DLGAP2: variants seen among roughly 807,000 people sequenced by gnomAD.
DLGAP2 encodes DLG associated protein 2, also known as disks large-associated protein 2.
A neutral mutation model predicts 100.3 loss-of-function variants in DLGAP2; 26 were observed. The ratio of observed to expected loss-of-function variants is 0.26; its 90% CI spans 0.19 to 0.36. The LOEUF is 0.36. Ranked by LOEUF, DLGAP2 falls within the 10% of genes least tolerant of loss-of-function variation. The pLI is 1.00. For missense variants in DLGAP2, 1,858 were observed against 1,453.2 expected (o/e 1.28, Z -4.53); for synonymous variants, 886 against 630.1 (o/e 1.41, Z -6.08).
chr8:1,262,628 A>G (rs1019559973), intron 3 of DLGAP2: 6 of 152,186 alleles, frequency 3.9e-5, no homozygotes, highest in East Asian at 3.8e-4. Flanking sequence ...GACGGTCTCA[A>G]TTTATATCAT....
At chr8:975,015 G>T (rs891038415) in intron 2 of DLGAP2, among the ~76,000 whole-genome samples, 5 of 152,136 alleles carry the variant, frequency 3.3e-5, no homozygotes, top group African/African-American at 1.2e-4. Context: ...GAAGAAAAAA[G>T]GGAGAGAAGA....
chr8:1,599,199 A>G (rs1406630341), intron 6 of DLGAP2, among the ~76,000 whole-genome samples: 2 of 152,148 alleles, frequency 1.3e-5, no homozygotes, highest in African/African-American at 4.8e-5. Context: ...CTTAATCCTG[A>G]GTTCTAATTT....
intron 1 of DLGAP2, among the ~76,000 whole-genome samples, chr8:885,830 A>G (rs1420427884): frequency 2.6e-5 from 4 of 152,068 alleles, no homozygotes; most frequent in East Asian, 3.8e-4. Context: ...TTAACAATCA[A>G]TGTTCATCAG....
intron 6 of DLGAP2, among the ~76,000 whole-genome samples, chr8:1,586,558 C>T (rs147629110): frequency 1.4e-4 from 22 of 152,314 alleles, no homozygotes; most frequent in African/African-American, 5.1e-4. Flanking sequence ...TGGTTAGCAA[C>T]CTCGATTCCA....
intron 1 of DLGAP2, among the ~76,000 whole-genome samples, chr8:832,727 T>A (rs1796804985): frequency 6.6e-6 from 1 of 152,228 alleles, no homozygotes; most frequent in African/African-American, 2.4e-5. Context: ...TGAGCACAAC[T>A]GTGTTTGTGT....
chr8:1,040,568 G>A (rs1296038542), intron 2 of DLGAP2, among the ~76,000 whole-genome samples: 22 of 128,802 alleles, frequency 1.7e-4, no homozygotes, highest in Non-Finnish European at 2.9e-4. Context: ...GCGTGTGGTC[G>A]GCTCGGTTTC....
At chr8:808,464 A>C (rs565625077) in intron 1 of DLGAP2, among the ~76,000 whole-genome samples, 23 of 152,270 alleles carry the variant, frequency 1.5e-4, no homozygotes, top group African/African-American at 5.1e-4. Context: ...CTGGAAGGAC[A>C]TTCCACCCCA....
At chr8:968,384 A>G (rs1394563745) in intron 2 of DLGAP2, among the ~76,000 whole-genome samples, 3 of 152,204 alleles carry the variant, frequency 2.0e-5, no homozygotes, top group Non-Finnish European at 4.4e-5. Flanking sequence ...AGCTGAAGTG[A>G]CTTATGGGGG....
rs188877516 is a variant in DLGAP2 at position 1,419,022 on chromosome 8, C to T, written c.107-82344C>T. Among the ~76,000 whole-genome samples, 29 of 152,390 alleles carry T rather than the reference C, an allele frequency of 1.9e-4. No individual in the cohort carries two copies. In the East Asian group the frequency reaches 4.8e-3, roughly 25 times the overall value. On this transcript the variant is annotated intron_variant, in intron 3 of 14. Transcript: ENST00000637795. ...GAACGAAGGGGCACATGGGGCGAGG[C>T]AGAGGCCAGGGCCATGTGGACTCTC...
chr8:1,107,049 T>C (rs942332850), intron 2 of DLGAP2, among the ~76,000 whole-genome samples: 1 of 152,182 alleles, frequency 6.6e-6, no homozygotes, highest in African/African-American at 2.4e-5. Flanking sequence ...GTGAGTGTAC[T>C]GACAATGCAT....
At chr8:908,442 A>T (rs1798422698) in intron 2 of DLGAP2, among the ~76,000 whole-genome samples, 1 of 152,200 alleles carries the variant, frequency 6.6e-6, no homozygotes, top group Non-Finnish European at 1.5e-5. Context: ...AGTGAATAAA[A>T]CACTGGCATG....
rs374183619 is a variant in DLGAP2, at chr8:1,578,872, C to T, written c.1442+12978C>T. Among the ~76,000 whole-genome samples, 29 of 152,322 alleles carry T rather than the reference C, an allele frequency of 1.9e-4. No individual in the cohort carries two copies. In the East Asian group the frequency reaches 3.9e-3, roughly 20 times the overall value. ...TCCCCGATCGGGAAGGTCAGATTCC[C>T]AGGGCTGATGGCCCCGTCTGTGGGT... On this transcript the variant is annotated intron_variant, in intron 6 of 14. Transcript: ENST00000637795.
rs111819767 is a variant in DLGAP2, at chr8:1,079,956, C to A, written c.73+171990C>A. Among the ~76,000 whole-genome samples the A allele has an allele frequency of 1.2e-4, 19 of 152,336 alleles. 1 individual carries two copies. Among genetic ancestry groups the A allele is most frequent in the African/African-American group, 4.6e-4 (19 of 41,578 alleles). On this transcript the variant is annotated intron_variant, in intron 2 of 14. Transcript: ENST00000637795. Reference sequence around the variant, plus strand: ...TGTAACAGTGCTGGAATGCACTCCTCTCTAACGTGGGTCCTGGTGACTGTT... The same window carrying A: ...TGTAACAGTGCTGGAATGCACTCCTATCTAACGTGGGTCCTGGTGACTGTT...
intron 3 of DLGAP2, among the ~76,000 whole-genome samples, chr8:1,327,307 C>G (rs73170458): frequency 0.014 from 2,072 of 152,292 alleles, 18 homozygotes; most frequent in Middle Eastern, 0.061. Flanking sequence ...AGCCTCAGAG[C>G]TCCACACCTG....
At chr8:1,622,778 C>T (rs563968315) in intron 6 of DLGAP2, among the ~76,000 whole-genome samples, 1 of 152,350 alleles carries the variant, frequency 6.6e-6, no homozygotes, top group Non-Finnish European at 1.5e-5. Context: ...CCATTTCTGA[C>T]ACCTGGGATG....
intron 5 of DLGAP2, among the ~76,000 whole-genome samples, chr8:1,560,500 C>T: frequency 6.6e-6 from 1 of 152,148 alleles, no homozygotes; most frequent in East Asian, 1.9e-4. Context: ...CTCCTCTTTC[C>T]CTGATTACCA....
chr8:1,155,756 T>C (rs1796772156), intron 2 of DLGAP2, among the ~76,000 whole-genome samples: 1 of 152,046 alleles, frequency 6.6e-6, no homozygotes, highest in South Asian at 2.1e-4. Context: ...GCGCGGGGCC[T>C]TGGTCGGTGG....
At chr8:846,196 C>G (rs1209317359) in intron 1 of DLGAP2, among the ~76,000 whole-genome samples, 1 of 152,174 alleles carries the variant, frequency 6.6e-6, no homozygotes, top group Non-Finnish European at 1.5e-5. Context: ...TTATTGTTAA[C>G]TCCAGTCATT....
chr8:1,457,974 T>TAATATATA (rs1798362355), intron 3 of DLGAP2, among the ~76,000 whole-genome samples: 2 of 46,466 alleles, frequency 4.3e-5, no homozygotes, highest in Non-Finnish European at 8.7e-5. Context: ...TGTTCTCTGA[T>TAATATATA]CATATATATA....
Sources: allele counts gnomAD v4.1 joint callset (sites outside exome capture counted in the v4.1 genomes callset), GRCh38; gene constraint gnomAD v4.1.1; transcripts MANE v1.5; gene names NCBI Gene and HGNC (gene_info 2026-07-23, HGNC 2026-07-21).